The following NCOA1 variants were observed in gnomAD, a reference collection of about 807,000 sequenced individuals.
NCOA1 encodes the protein nuclear receptor coactivator 1, also known as Hin-2 protein.
A neutral mutation model predicts 150.9 loss-of-function variants in NCOA1; 35 were observed. The observed-to-expected ratio is 0.23, with a 90% CI of 0.18 to 0.31. The LOEUF is 0.31. NCOA1 is among the 10% of genes least tolerant of loss of function. The pLI, the probability that NCOA1 is intolerant of heterozygous loss-of-function variation, is 1.00. For synonymous variants in NCOA1, 590 were observed against 630.0 expected (o/e 0.94, Z 0.95); for missense variants, 1,491 against 1,749.3 (o/e 0.85, Z 2.63).
chr2:24,711,379 C>G, intron 14 of NCOA1: 1 of 274,212 alleles, frequency 3.6e-6, no homozygotes, highest in Non-Finnish European at 6.8e-6. Context: ...ACCCAAAACA[C>G]CCCATAACAG....
chr2:24,566,429 T>C (rs138574690), intron 2 of NCOA1, among the ~76,000 whole-genome samples: 47 of 152,068 alleles, frequency 3.1e-4, no homozygotes, highest in Non-Finnish European at 6.0e-4. Context: ...GACCCTGGAG[T>C]GGGTAGCTCC....
chr2:24,628,807 T>G (rs896205687), intron 3 of NCOA1, among the ~76,000 whole-genome samples: 1 of 152,060 alleles, frequency 6.6e-6, no homozygotes, highest in Non-Finnish European at 1.5e-5. Context: ...GAAGAAAGAT[T>G]GGGGAATAGG....
rs1665181958 is a variant in NCOA1, at chr2:24,768,523, A to AG, written c.*132_*133insG. On this transcript the variant is annotated 3_prime_UTR_variant, in exon 23 of 23. Transcript: ENST00000348332. ...AGGTCGTAGCATTTGGAGCAAAAAA[A>AG]AAAAAAAAAAAAAAAAAAGGAGTTT... 2 of 564,980 alleles carry AG rather than the reference A, an allele frequency of 3.5e-6. No homozygotes were observed. Among genetic ancestry groups the AG allele is most frequent in the Non-Finnish European group, 5.1e-6 (2 of 388,632 alleles). The allele number at this position is 564,980 out of a possible 1,614,324, so 35.0% of individuals were successfully genotyped here.
intron 2 of NCOA1, among the ~76,000 whole-genome samples, chr2:24,569,317 T>G (rs1351344792): frequency 1.3e-5 from 2 of 152,048 alleles, no homozygotes; most frequent in African/African-American, 4.8e-5. Flanking sequence ...TTTAGTAAAA[T>G]GAGATAAAGA....
intron 4 of NCOA1, among the ~76,000 whole-genome samples, chr2:24,654,616 A>T (rs1219229818): frequency 6.6e-6 from 1 of 152,196 alleles, no homozygotes; most frequent in African/African-American, 2.4e-5. Context: ...GTCTTAGAAT[A>T]AAAGTCAAAT....
chr2:24,579,872 C>T (rs1334260465), intron 2 of NCOA1, among the ~76,000 whole-genome samples: 2 of 152,190 alleles, frequency 1.3e-5, no homozygotes. Flanking sequence ...TTAGCTCCCG[C>T]TGCCAACCAG....
chr2:24,541,450 C>T (rs1292966583), intron 1 of NCOA1, among the ~76,000 whole-genome samples: 1 of 152,136 alleles, frequency 6.6e-6, no homozygotes, highest in African/African-American at 2.4e-5. Flanking sequence ...TCCTCCAGAT[C>T]TGTTATGTGA....
intron 4 of NCOA1, among the ~76,000 whole-genome samples, chr2:24,657,453 T>C (rs1670998681): frequency 6.6e-6 from 1 of 152,200 alleles, no homozygotes; most frequent in African/African-American, 2.4e-5. Context: ...ATTGTAAAAT[T>C]ATGATCCTAA....
intron 3 of NCOA1, among the ~76,000 whole-genome samples, chr2:24,632,587 C>T (rs1264557255): frequency 6.6e-6 from 1 of 152,200 alleles, no homozygotes; most frequent in Non-Finnish European, 1.5e-5. Flanking sequence ...CCCTGGCCCC[C>T]TTCTCCATTA....
chr2:24,653,484 T>A (rs1355491584), intron 4 of NCOA1, among the ~76,000 whole-genome samples: 1 of 152,146 alleles, frequency 6.6e-6, no homozygotes, highest in East Asian at 1.9e-4. Context: ...CCATACAAAT[T>A]AAATATCTTT....
At chr2:24,748,995 A>T (rs1386797964) in intron 19 of NCOA1, among the ~76,000 whole-genome samples, 3 of 152,244 alleles carry the variant, frequency 2.0e-5, no homozygotes, top group African/African-American at 7.2e-5. Flanking sequence ...TCTCTTCCTT[A>T]AAAGTATTTA....
intron 4 of NCOA1, among the ~76,000 whole-genome samples, chr2:24,656,036 T>C (rs1049185833): frequency 3.6e-5 from 5 of 138,682 alleles, no homozygotes; most frequent in Admixed American, 8.1e-5. Flanking sequence ...TGCAGTGAGC[T>C]GAGATCCCGC....
At chr2:24,623,359 A>G (rs1025754650) in intron 3 of NCOA1, among the ~76,000 whole-genome samples, 1 of 152,318 alleles carries the variant, frequency 6.6e-6, no homozygotes, top group South Asian at 2.1e-4. Flanking sequence ...AGCCCAGCTT[A>G]TATGGATTAC....
chr2:24,691,695 C>T, intron 9 of NCOA1, 35 bp downstream of exon 9: 2 of 1,581,162 alleles, frequency 1.3e-6, no homozygotes, highest in Non-Finnish European at 1.7e-6. Flanking sequence ...GTGTTTATTT[C>T]TTCTGTGACT....
chr2:24,697,593 T>A, intron 10 of NCOA1, 65 bp from the exon 11 acceptor site: 1 of 1,414,472 alleles, frequency 7.1e-7, no homozygotes. Flanking sequence ...CAGTTGTTAG[T>A]TTTGAAATAC....
intron 7 of NCOA1, among the ~76,000 whole-genome samples, chr2:24,679,216 T>C (rs762571937): frequency 6.6e-6 from 1 of 152,238 alleles, no homozygotes; most frequent in Non-Finnish European, 1.5e-5. Flanking sequence ...TGTTGTCTTC[T>C]CTGTATGCAG....
intron 1 of NCOA1, among the ~76,000 whole-genome samples, chr2:24,559,990 A>T (rs993925083): frequency 6.6e-6 from 1 of 152,100 alleles, no homozygotes; most frequent in African/African-American, 2.4e-5. Context: ...GTTGGAGAAC[A>T]GTTGGGGAAT....
chr2:24,759,777 T>C (rs941231611), intron 21 of NCOA1, among the ~76,000 whole-genome samples: 17 of 152,126 alleles, frequency 1.1e-4, no homozygotes, highest in African/African-American at 4.1e-4. Flanking sequence ...TATATGTATG[T>C]ATAGAGGTAT....
chr2:24,693,517 C>G (rs528804365), intron 10 of NCOA1, among the ~76,000 whole-genome samples, 170 bp downstream of exon 10: 18 of 152,222 alleles, frequency 1.2e-4, no homozygotes, highest in Middle Eastern at 3.4e-3. Flanking sequence ...AATTTAGATA[C>G]TATGATCATT....
Sources: gnomAD v4.1 joint callset for allele counts (sites outside exome capture counted in the v4.1 genomes callset) on GRCh38, gnomAD v4.1.1 for gene constraint, MANE v1.5 for transcripts, NCBI Gene and HGNC (gene_info 2026-07-23, HGNC 2026-07-21) for gene names.